The following CAST variants were observed in gnomAD, a reference collection of about 807,000 sequenced individuals.
CAST encodes the protein MIR583 host.
CAST carries 76 observed loss-of-function variants against 119.6 expected under a neutral mutation model. The observed-to-expected ratio is 0.64, with a 90% confidence interval of 0.53 to 0.77. The LOEUF (loss-of-function observed/expected upper bound fraction) is 0.77, where lower values mean the gene tolerates loss of function less well. CAST is among the 30% of genes least tolerant of loss of function. CAST has a pLI of 0.00. For missense variants in CAST, 953 were observed against 946.5 expected, an observed-to-expected ratio of 1.01 and a Z score of -0.09; for synonymous variants, 319 against 331.6, an observed-to-expected ratio of 0.96 and a Z score of 0.41.
chr5:96,083,887 GACTACTTGCATT>G, the CAST span, among the ~76,000 whole-genome samples: 2 of 152,204 alleles, frequency 1.3e-5, no homozygotes, highest in African/African-American at 2.4e-5. Flanking sequence ...CTTGGAGCCA[GACTACTTGCATT>G]ACTACTTGCA....
At chr5:96,407,508 G>A in the CAST span, among the ~76,000 whole-genome samples, 1 of 152,016 alleles carries the variant, frequency 6.6e-6, no homozygotes, top group Non-Finnish European at 1.5e-5. Context: ...ATATAAAATG[G>A]TATAGTCATT....
At chr5:96,588,455 C>T (rs1471300846) in intron 1 of CAST, among the ~76,000 whole-genome samples, 2 of 152,074 alleles carry the variant, frequency 1.3e-5, no homozygotes, top group African/African-American at 4.8e-5. Context: ...CTGCCTCGGC[C>T]TCCCAAAGTG....
At chr5:96,641,031 A>G (rs796538474) in intron 1 of CAST, among the ~76,000 whole-genome samples, 6 of 152,328 alleles carry the variant, frequency 3.9e-5, no homozygotes, top group Non-Finnish European at 5.9e-5. Context: ...CATACTGTCA[A>G]ATTTCTACAT....
chr5:96,183,451 A>G, the CAST span, among the ~76,000 whole-genome samples: 25 of 152,228 alleles, frequency 1.6e-4, no homozygotes, highest in Non-Finnish European at 2.8e-4. Context: ...TTGTCCAAGT[A>G]GAAAAGATCT....
the CAST span, among the ~76,000 whole-genome samples, chr5:96,500,210 T>C: frequency 1.3e-5 from 2 of 152,196 alleles, no homozygotes; most frequent in African/African-American, 4.8e-5. Context: ...AAAGACAAAG[T>C]AAACACATGC....
chr5:96,132,446 A>G, the CAST span, among the ~76,000 whole-genome samples: 6 of 152,100 alleles, frequency 3.9e-5, no homozygotes, highest in Admixed American at 6.6e-5. Context: ...TATTTTTAAA[A>G]ATACAATAAA....
chr5:96,584,128 G>A (rs767903664), intron 1 of CAST, among the ~76,000 whole-genome samples: 10 of 152,154 alleles, frequency 6.6e-5, no homozygotes, highest in Non-Finnish European at 1.3e-4. Flanking sequence ...ACAGACAAGG[G>A]GTGGGAGGAG....
chr5:96,248,772 A>T, the CAST span, among the ~76,000 whole-genome samples: 1,398 of 152,354 alleles, frequency 9.2e-3, 26 homozygotes, highest in African/African-American at 0.033. Flanking sequence ...GTGTTAGCAA[A>T]GTTCTAAGAG....
At chr5:96,552,585 A>G (rs960633081) in intron 1 of CAST, among the ~76,000 whole-genome samples, 2 of 152,204 alleles carry the variant, frequency 1.3e-5, no homozygotes, top group Admixed American at 1.3e-4. Context: ...GAACTGAAGG[A>G]GATAGAGACA....
the CAST span, among the ~76,000 whole-genome samples, chr5:96,272,248 T>G: frequency 6.6e-6 from 1 of 152,314 alleles, no homozygotes; most frequent in African/African-American, 2.4e-5. Flanking sequence ...GATCCAGTAA[T>G]TTCACTACTG....
the CAST span, among the ~76,000 whole-genome samples, chr5:96,160,472 A>C: frequency 6.6e-6 from 1 of 152,186 alleles, no homozygotes; most frequent in Non-Finnish European, 1.5e-5. Flanking sequence ...ATAATATTCC[A>C]TTGTATGAAT....
Position 96,765,315 on chromosome 5 carries a change from A to AT in CAST, c.2028dup (p.Lys677Ter). 1 of 1,300,418 alleles carries AT rather than the reference A, an allele frequency of 7.7e-7. No homozygotes were observed. The highest frequency in any genetic ancestry group is 1.1e-6 in the Non-Finnish European group (1 of 918,960). 80.6% of individuals were successfully genotyped at this position (1,300,418 alleles called of 1,614,324 possible). ...CCAGATGAGAACAAACCAATGGAAG[A>AT]TAAAGTAAAGGTAAAAAAAAAAAAA... On this transcript the variant is annotated frameshift_variant, in exon 26 of 32. Coordinates refer to ENST00000675179, the MANE Select transcript of CAST (RefSeq NM_001750.7). LOFTEE classifies it high-confidence loss of function.
At chr5:96,557,414 C>A (rs1040234286) in intron 1 of CAST, among the ~76,000 whole-genome samples, 58 of 151,916 alleles carry the variant, frequency 3.8e-4, no homozygotes, top group Admixed American at 1.1e-3. Flanking sequence ...CACAGACTGG[C>A]AAATTGGATA....
chr5:96,465,717 C>A, the CAST span, among the ~76,000 whole-genome samples: 1 of 151,946 alleles, frequency 6.6e-6, no homozygotes, highest in Non-Finnish European at 1.5e-5. Flanking sequence ...ATTCTTTGTC[C>A]AATTGAGGAT....
At chr5:96,512,277 A>T in the CAST span, among the ~76,000 whole-genome samples, 1 of 152,226 alleles carries the variant, frequency 6.6e-6, no homozygotes, top group East Asian at 1.9e-4. Flanking sequence ...ATGAACTTGC[A>T]TGCTTGGTAG....
At chr5:96,110,640 C>A in the CAST span, among the ~76,000 whole-genome samples, 1 of 152,138 alleles carries the variant, frequency 6.6e-6, no homozygotes, top group Admixed American at 6.5e-5. Context: ...GAGGAAGGAG[C>A]ATTCTCCAGG....
At chr5:96,590,540 C>T (rs1469157957) in intron 1 of CAST, among the ~76,000 whole-genome samples, 1 of 152,214 alleles carries the variant, frequency 6.6e-6, no homozygotes, top group African/African-American at 2.4e-5. Context: ...GCCATACAGA[C>T]ACCATGTCCT....
At chr5:96,130,449 G>GAA in the CAST span, among the ~76,000 whole-genome samples, 43,841 of 144,120 alleles carry the variant, frequency 0.3, 6,559 homozygotes, top group East Asian at 0.38. Context: ...AGGACATTAG[G>GAA]AAAAAAAAAA....
chr5:96,116,581 G>T, the CAST span, among the ~76,000 whole-genome samples: 3 of 152,116 alleles, frequency 2.0e-5, no homozygotes, highest in Non-Finnish European at 4.4e-5. Flanking sequence ...ATATGATATT[G>T]TCAGTCTTTT....
Sources: gnomAD v4.1 joint callset for allele counts (sites outside exome capture counted in the v4.1 genomes callset) on GRCh38, gnomAD v4.1.1 for gene constraint, MANE v1.5 for transcripts, NCBI Gene and HGNC (gene_info 2026-07-23, HGNC 2026-07-21) for gene names.